The following PDE1C variants were observed in gnomAD, a reference collection of about 807,000 sequenced individuals.
PDE1C encodes dual specificity calcium/calmodulin-dependent 3',5'-cyclic nucleotide phosphodiesterase 1C.
A neutral mutation model predicts 93.1 loss-of-function variants in PDE1C; 62 were observed. The ratio of observed to expected loss-of-function variants is 0.67; its 90% CI spans 0.54 to 0.82. PDE1C has a LOEUF of 0.82. Among genes scored for constraint, PDE1C ranks in the 40% least tolerant of loss-of-function variants. The pLI is 0.00. For missense variants in PDE1C, 742 were observed against 884.6 expected (o/e 0.84, Z 2.04); for synonymous variants, 325 against 310.1 (o/e 1.05, Z -0.50).
At chr7:31,649,796 C>T in the PDE1C span, among the ~76,000 whole-genome samples, 1,248 of 152,210 alleles carry the variant, frequency 8.2e-3, 43 homozygotes, top group East Asian at 0.066. Context: ...ATCAGAGTGC[C>T]GGCAAATGGA....
intron 2 of PDE1C, among the ~76,000 whole-genome samples, chr7:32,194,117 T>C (rs1804440660): frequency 6.6e-6 from 1 of 152,120 alleles, no homozygotes; most frequent in Admixed American, 6.6e-5. Context: ...GGTTTCACCA[T>C]GTTCGCCAGG....
chr7:31,642,033 G>A, the PDE1C span: 1 of 511,002 alleles, frequency 2.0e-6, no homozygotes, highest in Admixed American at 3.8e-5. Flanking sequence ...AATGTCCTTG[G>A]AATTCCCTCA....
At chr7:31,910,390 C>T (rs1391734016) in intron 2 of PDE1C, among the ~76,000 whole-genome samples, 1 of 152,166 alleles carries the variant, frequency 6.6e-6, no homozygotes, top group Non-Finnish European at 1.5e-5. Context: ...GTTCCTCCAA[C>T]TGCTGAACAA....
upstream of PDE1C, chr7:32,071,424 AT>A (rs1796049275): frequency 7.1e-6 from 7 of 985,360 alleles, no homozygotes; most frequent in Non-Finnish European, 8.4e-6. Context: ...AAAACTCTTG[AT>A]GTTTTCTTGC....
At chr7:31,765,120 G>A (rs967786194) in intron 17 of PDE1C, among the ~76,000 whole-genome samples, 1 of 152,120 alleles carries the variant, frequency 6.6e-6, no homozygotes, top group African/African-American at 2.4e-5. Flanking sequence ...AATATGGGGA[G>A]GCACTGAGAC....
intron 7 of PDE1C, among the ~76,000 whole-genome samples, chr7:31,859,243 T>A (rs141195354): frequency 4.1e-4 from 61 of 148,338 alleles, no homozygotes; most frequent in Non-Finnish European, 4.5e-5. Flanking sequence ...ATAGAGAGAG[T>A]GAGAGAGAGT....
intron 1 of PDE1C, among the ~76,000 whole-genome samples, chr7:32,357,056 G>A (rs1043710157): frequency 4.6e-5 from 7 of 152,260 alleles, no homozygotes; most frequent in South Asian, 4.1e-4. Flanking sequence ...ACTTTAGGCC[G>A]GGCTCAGTGG....
chr7:31,629,883 G>C, the PDE1C span, among the ~76,000 whole-genome samples: 1 of 152,128 alleles, frequency 6.6e-6, no homozygotes, highest in Non-Finnish European at 1.5e-5. Context: ...TACTGAATTA[G>C]GAAGTCTTGC....
At chr7:32,398,416 T>A (rs1447462897) in intron 1 of PDE1C, among the ~76,000 whole-genome samples, 1 of 149,860 alleles carries the variant, frequency 6.7e-6, no homozygotes, top group Non-Finnish European at 1.5e-5. Flanking sequence ...TGAGACAGAG[T>A]CTTGCTCTGT....
chr7:32,397,226 C>T (rs529389493), intron 1 of PDE1C, among the ~76,000 whole-genome samples: 5 of 152,112 alleles, frequency 3.3e-5, no homozygotes, highest in African/African-American at 7.2e-5. Context: ...GGGCCAATAT[C>T]CTAATATATT....
the PDE1C span, chr7:31,692,538 G>A: frequency 5.7e-6 from 9 of 1,575,746 alleles, no homozygotes; most frequent in African/African-American, 2.7e-5. Flanking sequence ...ACAAATGATC[G>A]ATTGTGAATG....
intron 3 of PDE1C, among the ~76,000 whole-genome samples, chr7:32,083,253 G>A (rs1796831756): frequency 6.6e-6 from 1 of 151,338 alleles, no homozygotes; most frequent in Admixed American, 6.6e-5. Context: ...GGGTATCAGT[G>A]ATGGAAGATG....
chr7:31,701,096 A>G, the PDE1C span, among the ~76,000 whole-genome samples: 1 of 152,160 alleles, frequency 6.6e-6, no homozygotes, highest in Non-Finnish European at 1.5e-5. Context: ...TGTTTTGCAA[A>G]CCTAGAGCTG....
At chr7:31,992,269 C>T (rs945786309) in intron 2 of PDE1C, among the ~76,000 whole-genome samples, 3 of 152,160 alleles carry the variant, frequency 2.0e-5, no homozygotes, top group African/African-American at 7.2e-5. Context: ...ACCCAAGGGA[C>T]CACACCAGGA....
intron 12 of PDE1C, 63 bp from the exon 13 acceptor site, chr7:31,825,050 C>G: frequency 6.3e-7 from 1 of 1,596,586 alleles, no homozygotes; most frequent in South Asian, 1.1e-5. Flanking sequence ...CCATACTTTC[C>G]AGAAGAAACT....
intron 2 of PDE1C, among the ~76,000 whole-genome samples, chr7:31,912,926 T>C (rs553505445): frequency 1.3e-5 from 2 of 152,310 alleles, no homozygotes; most frequent in East Asian, 1.9e-4. Context: ...GCCCACATAG[T>C]TGAACTAATT....
At chr7:31,931,872 T>C (rs879094426) in intron 2 of PDE1C, among the ~76,000 whole-genome samples, 1 of 152,074 alleles carries the variant, frequency 6.6e-6, no homozygotes, top group Non-Finnish European at 1.5e-5. Flanking sequence ...AACAGATACA[T>C]AGACCAATGG....
the PDE1C span, among the ~76,000 whole-genome samples, chr7:31,720,338 TGA>T: frequency 2.0e-5 from 3 of 152,082 alleles, no homozygotes; most frequent in Non-Finnish European, 4.4e-5. Context: ...CTAGGGCCCT[TGA>T]GAGCAGGGTC....
chr7:31,693,827 G>C, the PDE1C span, among the ~76,000 whole-genome samples: 3 of 152,142 alleles, frequency 2.0e-5, no homozygotes, highest in Admixed American at 2.0e-4. Flanking sequence ...AAGAGAGAAG[G>C]AAGAGAAGGA....
Sources: gnomAD v4.1 joint callset for allele counts (sites outside exome capture counted in the v4.1 genomes callset) on GRCh38, gnomAD v4.1.1 for gene constraint, MANE v1.5 for transcripts, NCBI Gene and HGNC (gene_info 2026-07-23, HGNC 2026-07-21) for gene names.